STPG2: variants seen among roughly 807,000 people sequenced by gnomAD.
The protein encoded by STPG2 is sperm tail PG-rich repeat containing 2.
In STPG2, 56 loss-of-function variants were observed where a neutral mutation model predicts 54.2. That is an observed-to-expected ratio of 1.03 (90% CI 0.83 to 1.29). STPG2 has a LOEUF of 1.29. Ranked by LOEUF, STPG2 falls within the 50% of genes most tolerant of loss-of-function variation. The pLI is 0.00. For missense variants in STPG2, 596 were observed against 544.9 expected (o/e 1.09, Z -0.93); for synonymous variants, 200 against 181.8 (o/e 1.10, Z -0.81).
chr4:97,794,772 C>A (rs1489482128), intron 9 of STPG2, among the ~76,000 whole-genome samples: 1 of 152,070 alleles, frequency 6.6e-6, no homozygotes, highest in Non-Finnish European at 1.5e-5. Context: ...CACTTTAGAA[C>A]AATAGTGCAG....
chr4:97,866,476 G>A (rs1191659793), intron 8 of STPG2, among the ~76,000 whole-genome samples: 1 of 151,722 alleles, frequency 6.6e-6, no homozygotes, highest in African/African-American at 2.4e-5. Context: ...TCTTAATGAA[G>A]TATATTATTT....
intron 5 of STPG2, among the ~76,000 whole-genome samples, chr4:97,987,857 C>T (rs1250268399): frequency 6.6e-6 from 1 of 151,936 alleles, no homozygotes; most frequent in Non-Finnish European, 1.5e-5. Flanking sequence ...TTTAAAAGTC[C>T]CCTAACTGTC....
chr4:97,782,190 C>G (rs1054658752), intron 9 of STPG2, among the ~76,000 whole-genome samples: 1 of 152,206 alleles, frequency 6.6e-6, no homozygotes, highest in African/African-American at 2.4e-5. Flanking sequence ...AGCCCATCAT[C>G]TCAGCCCAAA....
At chr4:97,476,792 A>G (rs1002561763) in intron 4 of STPG2, among the ~76,000 whole-genome samples, 21 of 152,138 alleles carry the variant, frequency 1.4e-4, no homozygotes, top group African/African-American at 4.8e-4. Flanking sequence ...TTAAGTTACT[A>G]TTGCAATTAG....
intron 4 of STPG2, among the ~76,000 whole-genome samples, chr4:97,501,059 G>T (rs1381857382): frequency 1.3e-5 from 2 of 152,120 alleles, no homozygotes; most frequent in Admixed American, 1.3e-4. Context: ...GATGGAGGGA[G>T]AGTGGGAAAT....
intron 10 of STPG2, among the ~76,000 whole-genome samples, chr4:97,598,588 G>T (rs1040810070): frequency 6.6e-6 from 1 of 150,926 alleles, no homozygotes; most frequent in Non-Finnish European, 1.5e-5. Context: ...TAGAACAATG[G>T]AACAGGGTAG....
chr4:98,134,314 T>C, intron 2 of STPG2, 33 bp downstream of exon 2: 3 of 1,329,466 alleles, frequency 2.3e-6, no homozygotes, highest in Non-Finnish European at 3.0e-6. Context: ...AAACATGGTT[T>C]TATTAAGTCA....
intron 4 of STPG2, among the ~76,000 whole-genome samples, chr4:97,445,138 T>A (rs1200055580): frequency 6.6e-6 from 1 of 152,208 alleles, no homozygotes; most frequent in Non-Finnish European, 1.5e-5. Context: ...GCTGTGGTTT[T>A]AAATTAAATA....
intron 10 of STPG2, among the ~76,000 whole-genome samples, chr4:97,570,604 A>T (rs1231540001): frequency 6.6e-6 from 1 of 151,616 alleles, no homozygotes; most frequent in Non-Finnish European, 1.5e-5. Flanking sequence ...TACCAGGGGG[A>T]ACAAAGGTTA....
Position 97,646,422 on chromosome 4 carries a change from A to C in STPG2, c.1320+66277T>G, listed in dbSNP as rs1721913555. Reference sequence around the variant, plus strand: ...TTCTTTCATTTCATGAAGGAAATCAATAATGTAATATATCCTATTACTTTG... The same window carrying C: ...TTCTTTCATTTCATGAAGGAAATCACTAATGTAATATATCCTATTACTTTG... On this transcript the variant is annotated intron_variant, in intron 10 of 10. Transcript: ENST00000295268. Among the ~76,000 whole-genome samples the C allele has an allele frequency of 3.3e-5, 5 of 152,132 alleles. No homozygotes were observed. The South Asian group carries it at 1.0e-3, about 31-fold the overall frequency.
intron 4 of STPG2, among the ~76,000 whole-genome samples, chr4:97,507,928 A>G (rs1048600659): frequency 6.6e-6 from 1 of 151,950 alleles, no homozygotes; most frequent in African/African-American, 2.4e-5. Flanking sequence ...ACAATTGATT[A>G]AATCATCAGT....
intron 9 of STPG2, among the ~76,000 whole-genome samples, chr4:97,804,540 CT>C (rs1418958310): frequency 6.6e-6 from 1 of 151,818 alleles, no homozygotes; most frequent in Non-Finnish European, 1.5e-5. Context: ...TGTGTTTGTG[CT>C]TTAAACTAAG....
chr4:97,582,375 T>C (rs1221228856), intron 10 of STPG2, among the ~76,000 whole-genome samples: 1 of 151,986 alleles, frequency 6.6e-6, no homozygotes. Context: ...CAACACTTTT[T>C]TGGTAAAAAT....
Position 97,706,346 on chromosome 4 carries a change from A to G in STPG2, c.1320+6353T>C, listed in dbSNP as rs375193846. Among the ~76,000 whole-genome samples the G allele has an allele frequency of 3.3e-5, 5 of 152,290 alleles. No individual in the cohort carries two copies. In the South Asian group the frequency reaches 6.2e-4, roughly 19 times the overall value. On this transcript the variant is annotated intron_variant, in intron 10 of 10. Coordinates refer to ENST00000295268, the MANE Select transcript of STPG2 (RefSeq NM_174952.3). ...AAATAGTAACCCCTAGTGTGATAGT[A>G]TTAGAAAGTTGGCATTTGTAGGTCC...
intron 5 of STPG2, among the ~76,000 whole-genome samples, chr4:98,081,808 G>C (rs1738351364): frequency 6.6e-6 from 1 of 152,144 alleles, no homozygotes; most frequent in African/African-American, 2.4e-5. Context: ...TAAGATAAAG[G>C]AGACTGAGTA....
At chr4:98,030,489 A>G (rs943454603) in intron 5 of STPG2, among the ~76,000 whole-genome samples, 5 of 152,200 alleles carry the variant, frequency 3.3e-5, no homozygotes, top group African/African-American at 1.2e-4. Context: ...ACTCAATGCT[A>G]TTTCTATTAA....
chr4:97,742,108 G>A (rs1328382457), intron 9 of STPG2, among the ~76,000 whole-genome samples: 70 of 151,574 alleles, frequency 4.6e-4, no homozygotes, highest in African/African-American at 1.4e-3. Context: ...GTAAACTATC[G>A]CAAGAAAAAA....
rs142251947 is a variant in STPG2 at position 97,847,847 on chromosome 4, G to T, written c.1045-6915C>A. Among the ~76,000 whole-genome samples, 113 of 152,056 alleles carry T rather than the reference G, an allele frequency of 7.4e-4. 4 individuals are homozygous for T. The East Asian group carries it at 0.02, about 27-fold the overall frequency. The stretch of plus-strand genomic sequence containing the variant: ...TTTTACTTTTGTTCACCTTTCTCTC[G>T]CATATCTAAAAATGACCAAGGTTAT... On this transcript the variant is annotated intron_variant, in intron 8 of 10. Coordinates refer to ENST00000295268, the MANE Select transcript of STPG2 (RefSeq NM_174952.3).
At chr4:97,719,791 T>C (rs1724393686) in intron 9 of STPG2, among the ~76,000 whole-genome samples, 1 of 151,982 alleles carries the variant, frequency 6.6e-6, no homozygotes, top group Non-Finnish European at 1.5e-5. Flanking sequence ...ATTTTAACCA[T>C]TTTCTTGTCA....
Sources: allele counts gnomAD v4.1 joint callset (sites outside exome capture counted in the v4.1 genomes callset), GRCh38; gene constraint gnomAD v4.1.1; transcripts MANE v1.5; gene names NCBI Gene and HGNC (gene_info 2026-07-23, HGNC 2026-07-21).